Variants in FRMD4B observed in about 807,000 individuals in gnomAD.
FRMD4B encodes FERM domain-containing protein 4B.
In FRMD4B, 74 loss-of-function variants were observed where a neutral mutation model predicts 141.5. That is an observed-to-expected ratio of 0.52 (90% confidence interval 0.43 to 0.63). The LOEUF (loss-of-function observed/expected upper bound fraction) is 0.63. Among genes scored for constraint, FRMD4B ranks in the 30% least tolerant of loss-of-function variants. FRMD4B has a pLI of 0.00. For missense variants in FRMD4B, 1,366 were observed against 1,253.4 expected, an observed-to-expected ratio of 1.09 and a Z score of -1.36; for synonymous variants, 506 against 467.9, an observed-to-expected ratio of 1.08 and a Z score of -1.05.
Position 69,540,613 on chromosome 3 carries a change from T to TAAAAAAAA in FRMD4B, c.-129+1585_-129+1592dup, listed in dbSNP as rs1157655761. ...GGGCGACAGAGTGAGACTCTGTCTC[T>TAAAAAAAA]AAAAAAAAAAAAAAAAAAAAAAAAT... On this transcript the variant is annotated intron_variant, in intron 1 of 5. Coordinates refer to the FRMD4B transcript ENST00000459638. Among the ~76,000 whole-genome samples the TAAAAAAAA allele has an allele frequency of 3.4e-3, 47 of 14,006 alleles. 4 individuals carry two copies. The highest frequency in any genetic ancestry group is 3.9e-3 in the Non-Finnish European group (37 of 9,390). The allele number at this position is 14,006 out of a possible 152,430, so 9.2% of individuals were successfully genotyped here.
chr3:69,287,823 T>C lies in FRMD4B; in HGVS notation c.430A>G (p.Ser144Gly). The change falls in exon 5 of 23, where the codon AGC becomes GGC. Residue 144 changes from serine (S) to glycine (G), a missense_variant. Transcript: ENST00000398540. ...GTTTTATCCTTTAAAAACGATATGC[T>C]CTCAATGTAAAACCTGAAAAACAGC... ...LHFAVRFYIE[S>G]ISFLKDKTTV... 6.4e-7 allele frequency: 1 copy of C among 1,566,802 alleles called. No homozygotes were observed. The highest frequency in any genetic ancestry group is 8.7e-7 in the Non-Finnish European group (1 of 1,143,554).
chr3:69,412,456 G>A (rs1292174486), intron 2 of FRMD4B, among the ~76,000 whole-genome samples: 3 of 152,128 alleles, frequency 2.0e-5, no homozygotes, highest in Non-Finnish European at 2.9e-5. Flanking sequence ...GAGCAGAGGG[G>A]ACCGAAAGTA....
intron 2 of FRMD4B, among the ~76,000 whole-genome samples, chr3:69,419,271 A>C (rs1704927838): frequency 6.6e-6 from 1 of 152,206 alleles, no homozygotes; most frequent in Non-Finnish European, 1.5e-5. Flanking sequence ...TGGAGAGTTT[A>C]TTGGCTCACA....
intron 5 of FRMD4B, among the ~76,000 whole-genome samples, chr3:69,279,929 T>C (rs79072812): frequency 0.26 from 38,813 of 151,686 alleles, 5,265 homozygotes; most frequent in East Asian, 0.5. Context: ...CATATTTATA[T>C]ACACATCAAA....
rs146242483 is a variant in FRMD4B at position 69,455,918 on chromosome 3, T to C, written c.-128-23157A>G. Reference sequence around the variant, plus strand: ...CCTGTTCCACCATCACCTGGCCATTTGTAGCTTCTCAGTTCCATTTTGTTC... The same window carrying C: ...CCTGTTCCACCATCACCTGGCCATTCGTAGCTTCTCAGTTCCATTTTGTTC... On this transcript the variant is annotated intron_variant, in intron 1 of 5. Coordinates refer to the FRMD4B transcript ENST00000459638. Among the ~76,000 whole-genome samples, 142 of 152,330 alleles carry C rather than the reference T, an allele frequency of 9.3e-4. 2 individuals carry two copies. In the South Asian group the frequency reaches 0.015, roughly 16 times the overall value.
At chr3:69,260,565 C>T (rs2093520207) in intron 5 of FRMD4B, among the ~76,000 whole-genome samples, 1 of 152,228 alleles carries the variant, frequency 6.6e-6, no homozygotes, top group African/African-American at 2.4e-5. Context: ...CCTTGGTGGG[C>T]TTCCACATGG....
chr3:69,201,051 G>C (rs768966312), intron 11 of FRMD4B, among the ~76,000 whole-genome samples: 3 of 152,200 alleles, frequency 2.0e-5, no homozygotes, highest in Admixed American at 1.3e-4. Flanking sequence ...CTTAAAAGGC[G>C]AAGGACTTCA....
At chr3:69,320,278 G>A (rs954206709) in intron 1 of FRMD4B, among the ~76,000 whole-genome samples, 2 of 152,074 alleles carry the variant, frequency 1.3e-5, no homozygotes, top group African/African-American at 4.8e-5. Context: ...AACCCCAACT[G>A]GGAATTTTAA....
intron 5 of FRMD4B, among the ~76,000 whole-genome samples, chr3:69,284,725 C>G (rs867703448): frequency 6.6e-6 from 1 of 152,060 alleles, no homozygotes; most frequent in South Asian, 2.1e-4. Context: ...AAAAATCAAT[C>G]AAAAATACCC....
At chr3:69,392,539 G>C (rs1190014436) in intron 2 of FRMD4B, among the ~76,000 whole-genome samples, 1 of 152,226 alleles carries the variant, frequency 6.6e-6, no homozygotes, top group Non-Finnish European at 1.5e-5. Flanking sequence ...GCCCAGCAGC[G>C]AGGCTGCTGT....
intron 1 of FRMD4B, among the ~76,000 whole-genome samples, chr3:69,517,393 T>C (rs557006040): frequency 2.0e-5 from 3 of 152,016 alleles, no homozygotes; most frequent in Admixed American, 2.0e-4. Context: ...AGAGCACCAG[T>C]CACATAAATA....
intron 1 of FRMD4B, among the ~76,000 whole-genome samples, chr3:69,447,887 T>G (rs918768133): frequency 6.6e-6 from 1 of 152,260 alleles, no homozygotes; most frequent in Admixed American, 6.5e-5. Context: ...TTTGTTATTT[T>G]GTATGGTTTC....
Position 69,225,519 on chromosome 3 carries a change from CAAAAA to C in FRMD4B, c.582-834_582-830del, listed in dbSNP as rs35855787. Among the ~76,000 whole-genome samples the C allele has an allele frequency of 2.0e-3, 99 of 50,578 alleles. 1 individual carries two copies. Among genetic ancestry groups the C allele is most frequent in the African/African-American group, 7.6e-3 (89 of 11,640 alleles). 33.2% of individuals were successfully genotyped at this position (50,578 alleles called of 152,430 possible). A position where few individuals can be genotyped will look rare whatever the true frequency, so the allele number is the denominator to read the frequency against. On this transcript the variant is annotated intron_variant, in intron 7 of 22. Transcript: ENST00000398540. ...TGAAACCCTGTATCTACTAAAAATACAAAAAAAAAAAAAAAAAAAAAAAAAATTAG... is the reference window on the plus strand; with the variant it reads ...TGAAACCCTGTATCTACTAAAAATACAAAAAAAAAAAAAAAAAAAAATTAG...
At position 69,351,456 on chromosome 3, in the gene FRMD4B, A is replaced by ATAGCT. The variant is rs1703147929; in HGVS notation, c.162+34367_162+34371dup. Among the ~76,000 whole-genome samples, 3 of 152,294 alleles carry ATAGCT rather than the reference A, an allele frequency of 2.0e-5. No homozygotes were observed. The South Asian group carries it at 6.2e-4, about 32-fold the overall frequency. On this transcript the variant is annotated intron_variant, in intron 1 of 22. Transcript: ENST00000398540. The stretch of plus-strand genomic sequence containing the variant: ...TTTTAGTATGGTTTTACCTAGCACT[A>ATAGCT]TAGCTTTTTGTGATAAGAGACAAGA...
intron 2 of FRMD4B, among the ~76,000 whole-genome samples, chr3:69,403,218 G>GA (rs945461476): frequency 6.6e-5 from 10 of 151,730 alleles, no homozygotes; most frequent in South Asian, 2.1e-4. Context: ...CCTCAGAAAA[G>GA]AAAAAAAATC....
intron 1 of FRMD4B, among the ~76,000 whole-genome samples, chr3:69,463,248 C>G (rs1705732132): frequency 6.6e-6 from 1 of 152,232 alleles, no homozygotes; most frequent in Admixed American, 6.5e-5. Context: ...TCAAGCTTTA[C>G]CTGTCCTAGA....
intron 11 of FRMD4B, among the ~76,000 whole-genome samples, chr3:69,215,362 G>A (rs1036605942): frequency 3.1e-5 from 4 of 127,600 alleles, no homozygotes; most frequent in Non-Finnish European, 6.2e-5. Context: ...GCACAATCTT[G>A]TCTCACTGCA....
At chr3:69,186,734 T>A (rs2092771706) in intron 19 of FRMD4B, among the ~76,000 whole-genome samples, 1 of 152,178 alleles carries the variant, frequency 6.6e-6, no homozygotes, top group African/African-American at 2.4e-5. Flanking sequence ...AGATGGGGCT[T>A]CATTAGGTTG....
At chr3:69,531,133 G>A (rs1383826951) in intron 1 of FRMD4B, among the ~76,000 whole-genome samples, 1 of 152,178 alleles carries the variant, frequency 6.6e-6, no homozygotes, top group Non-Finnish European at 1.5e-5. Context: ...ATTTCTTGGA[G>A]TGGGGTGGAT....
Sources: gnomAD v4.1 joint callset for allele counts (sites outside exome capture counted in the v4.1 genomes callset) on GRCh38, gnomAD v4.1.1 for gene constraint, MANE v1.5 for transcripts, NCBI Gene and HGNC (gene_info 2026-07-23, HGNC 2026-07-21) for gene names.